DNAH9: variants seen among roughly 807,000 people sequenced by gnomAD.
DNAH9 encodes the protein DNAH9 variant protein.
In DNAH9, 345 loss-of-function variants were observed where a neutral mutation model predicts 471.6. That is an observed-to-expected ratio of 0.73 (90% CI 0.67 to 0.80). The LOEUF is 0.80. DNAH9 is among the 30% of genes least tolerant of loss of function. The pLI is 0.00. For synonymous variants in DNAH9, 2,093 were observed against 2,123.6 expected (o/e 0.99, Z 0.40); for missense variants, 5,407 against 5,609.2 (o/e 0.96, Z 1.15).
chr17:11,822,615 A>T lies in DNAH9; in HGVS notation c.9012+16A>T. On this transcript the variant is annotated intron_variant, in intron 47 of 68. Coordinates refer to ENST00000262442, the MANE Select transcript of DNAH9 (RefSeq NM_001372.4). ...GGGCATTGAGGTGAGAGAGAAAAGG[A>T]GACACTCCTAAAAGTCCTTCCCAGA... 1 of 1,613,646 alleles carries T rather than the reference A, an allele frequency of 6.2e-7. No individual in the cohort carries two copies. Among genetic ancestry groups the T allele is most frequent in the Non-Finnish European group, 8.5e-7 (1 of 1,179,688 alleles).
chr17:11,604,982 T>TA (rs1403126268), intron 1 of DNAH9, among the ~76,000 whole-genome samples: 1 of 152,102 alleles, frequency 6.6e-6, no homozygotes, highest in Non-Finnish European at 1.5e-5. Flanking sequence ...TCTCTGAGAG[T>TA]AAAAATCAAA....
At position 11,848,844 on chromosome 17, in the gene DNAH9, T is replaced by C. The variant is rs189273186; in HGVS notation, c.9508-5159T>C. On this transcript the variant is annotated intron_variant, in intron 49 of 68. Coordinates refer to ENST00000262442, the MANE Select transcript of DNAH9 (RefSeq NM_001372.4). ...AACTAGTGACCTTCTCTCACACCTC[T>C]TTTTTTTTTTGAGATGGAGTCTCGC... Among the ~76,000 whole-genome samples the C allele has an allele frequency of 4.3e-3, 619 of 143,620 alleles. 3 individuals are homozygous for C. The highest frequency in any genetic ancestry group is 0.015 in the African/African-American group (583 of 38,014). The allele number at this position is 143,620 out of a possible 152,430, so 94.2% of individuals were successfully genotyped here.
intron 1 of DNAH9, among the ~76,000 whole-genome samples, chr17:11,601,447 G>T (rs570338155): frequency 5.9e-5 from 9 of 152,232 alleles, no homozygotes; most frequent in African/African-American, 2.2e-4. Flanking sequence ...AAGTACAGGG[G>T]TAGGTGGAAG....
chr17:11,715,390 TAAG>T (rs144706862), intron 26 of DNAH9, among the ~76,000 whole-genome samples: 3,817 of 152,256 alleles, frequency 0.025, 154 homozygotes, highest in African/African-American at 0.086. Flanking sequence ...AGTTCGATGT[TAAG>T]AAGACCTTTC....
intron 49 of DNAH9, among the ~76,000 whole-genome samples, chr17:11,836,901 T>C (rs1186403795): frequency 1.3e-5 from 2 of 152,250 alleles, no homozygotes; most frequent in African/African-American, 4.8e-5. Context: ...AAATACTAGT[T>C]GCACTACTTA....
intron 53 of DNAH9, among the ~76,000 whole-genome samples, chr17:11,877,328 C>G (rs1972532636): frequency 6.6e-6 from 1 of 151,200 alleles, no homozygotes; most frequent in Non-Finnish European, 1.5e-5. Context: ...CAAAAATTAG[C>G]TGGGCGTGGT....
chr17:11,693,794 A>T (rs2074379159), intron 20 of DNAH9, 74 bp from the exon 21 acceptor site: 23 of 1,517,244 alleles, frequency 1.5e-5, no homozygotes, highest in Non-Finnish European at 2.1e-5. Flanking sequence ...TTCTGCTTCT[A>T]ACTGGCTCCA....
At chr17:11,622,084 CAAA>C (rs34441543) in intron 6 of DNAH9, among the ~76,000 whole-genome samples, 3 of 125,036 alleles carry the variant, frequency 2.4e-5, no homozygotes. Flanking sequence ...GACTCCGTCT[CAAA>C]AAAAAAAAAA....
intron 28 of DNAH9, among the ~76,000 whole-genome samples, chr17:11,737,754 G>A: frequency 6.6e-6 from 1 of 152,136 alleles, no homozygotes; most frequent in Non-Finnish European, 1.5e-5. Flanking sequence ...GAGAAAGTCT[G>A]ATTTTCTAAA....
intron 48 of DNAH9, among the ~76,000 whole-genome samples, chr17:11,828,760 A>G (rs1286184043): frequency 1.3e-5 from 2 of 152,128 alleles, no homozygotes; most frequent in Non-Finnish European, 2.9e-5. Flanking sequence ...GACCTGAACA[A>G]TTTGTTCCCC....
chr17:11,712,211 T>A (rs2074879269), intron 26 of DNAH9, among the ~76,000 whole-genome samples: 1 of 145,832 alleles, frequency 6.9e-6, no homozygotes, highest in African/African-American at 2.5e-5. Context: ...TATATAATTT[T>A]AAAAACTCCC....
At chr17:11,644,870 GTATC>G (rs2073351376) in intron 11 of DNAH9, among the ~76,000 whole-genome samples, 171 bp downstream of exon 11, 1 of 152,034 alleles carries the variant, frequency 6.6e-6, no homozygotes, top group South Asian at 2.1e-4. Flanking sequence ...CACACACAGG[GTATC>G]TGGGGAATTC....
intron 11 of DNAH9, 34 bp downstream of exon 11, chr17:11,644,733 AT>A (rs755952965): frequency 6.8e-7 from 1 of 1,469,182 alleles, no homozygotes; most frequent in Non-Finnish European, 9.5e-7. Context: ...GGGTCTGCAG[AT>A]TGCACAGCCT....
In DNAH9 at chr17:11,619,507, G is replaced by A. The variant is rs572515401; in HGVS notation, c.1117-41G>A. ...AGTTGGTGTTGCAAAGTTACAGGAT[G>A]TCTGCACCTGCTCAGTGATACTAAT... On this transcript the variant is annotated intron_variant, in intron 5 of 68. Coordinates refer to ENST00000262442, the MANE Select transcript of DNAH9 (RefSeq NM_001372.4). The A allele has an allele frequency of 1.1e-5, 13 of 1,168,902 alleles. No homozygotes were observed. In the Admixed American group the frequency reaches 2.0e-4, roughly 18 times the overall value. The allele number at this position is 1,168,902 out of a possible 1,614,324, so 72.4% of individuals were successfully genotyped here. A position where few individuals can be genotyped will look rare whatever the true frequency, so the allele number is the denominator to read the frequency against.
At chr17:11,781,362 C>G (rs577654116) in intron 39 of DNAH9, among the ~76,000 whole-genome samples, 188 bp downstream of exon 39, 2 of 152,224 alleles carry the variant, frequency 1.3e-5, no homozygotes, top group Non-Finnish European at 2.9e-5. Flanking sequence ...AACAGGAGCA[C>G]TAATATTCAC....
At chr17:11,601,884 C>T (rs565958064) in intron 1 of DNAH9, among the ~76,000 whole-genome samples, 31 of 151,938 alleles carry the variant, frequency 2.0e-4, no homozygotes, top group Admixed American at 1.8e-3. Context: ...GTGGGCGGGG[C>T]GGTTTGGGGG....
intron 66 of DNAH9, among the ~76,000 whole-genome samples, chr17:11,939,878 TGATG>T (rs1974843786): frequency 6.6e-6 from 1 of 150,648 alleles, no homozygotes; most frequent in Non-Finnish European, 1.5e-5. Flanking sequence ...GATAGATAAT[TGATG>T]GATGAATGGA....
At chr17:11,941,261 T>C (rs538167921) in intron 66 of DNAH9, among the ~76,000 whole-genome samples, 2 of 152,076 alleles carry the variant, frequency 1.3e-5, no homozygotes, top group African/African-American at 2.4e-5. Context: ...AAAACAGATA[T>C]CCACCACAGG....
At chr17:11,632,920 A>G (rs1427817054) in intron 8 of DNAH9, among the ~76,000 whole-genome samples, 1 of 152,146 alleles carries the variant, frequency 6.6e-6, no homozygotes, top group Admixed American at 6.5e-5. Flanking sequence ...AAAATGTGAC[A>G]ATGTAAAAAT....
Sources: allele counts gnomAD v4.1 joint callset (sites outside exome capture counted in the v4.1 genomes callset), GRCh38; gene constraint gnomAD v4.1.1; transcripts MANE v1.5; gene names NCBI Gene and HGNC (gene_info 2026-07-23, HGNC 2026-07-21).